Variants in COX18 observed in about 807,000 individuals in gnomAD.
COX18 encodes the protein cytochrome c oxidase assembly factor COX18.
COX18 carries 45 observed loss-of-function variants against 38.0 expected under a neutral mutation model. The ratio of observed to expected loss-of-function variants is 1.18; its 90% CI spans 0.93 to 1.52. The LOEUF is 1.52. COX18 is among the 40% of genes most tolerant of loss of function. The pLI, the probability that COX18 is intolerant of heterozygous loss-of-function variation, is 0.00. For missense variants in COX18, 462 were observed against 423.8 expected, an observed-to-expected ratio of 1.09 and a Z score of -0.79; for synonymous variants, 177 against 169.8, an observed-to-expected ratio of 1.04 and a Z score of -0.33.
rs1177677540 is a variant in COX18, at chr4:73,057,155, G to A, written c.*959C>T. 1 of 140,468 alleles carries A rather than the reference G, an allele frequency of 7.1e-6. No individual in the cohort carries two copies. The highest frequency in any genetic ancestry group is 1.5e-5 in the Non-Finnish European group (1 of 64,556). The allele number at this position is 140,468 out of a possible 1,614,324, so 8.7% of individuals were successfully genotyped here. On this transcript the variant is annotated 3_prime_UTR_variant, in exon 6 of 6. Transcript: ENST00000507544. ...ATTAAAAAAAAAAAATGCTGGGTGA[G>A]GTGGCTCATGCCTGTAATCCCAGCA...
chr4:73,068,714 T>C (rs1410882993), intron 1 of COX18: 1 of 153,404 alleles, frequency 6.5e-6, no homozygotes, highest in Non-Finnish European at 1.5e-5. Flanking sequence ...AATCAAGCAC[T>C]TTAACCCGTA....
intron 2 of COX18, 63 bp downstream of exon 2, chr4:73,067,954 ATGTGTGTGTGTG>A (rs10610509): frequency 6.5e-4 from 387 of 597,342 alleles, no homozygotes; most frequent in African/African-American, 3.5e-3. Flanking sequence ...CAATTTATGT[ATGTGTGTGTGTG>A]TGTGTGTGTG....
Position 73,054,314 on chromosome 4 carries a change from G to C in COX18, c.*3800C>G, listed in dbSNP as rs924775583. Reference sequence around the variant, plus strand: ...GGCTATGACAAACTGTTAGAAATAAGACCACAGACTTGCAATTTTCTGAAA... The same window carrying C: ...GGCTATGACAAACTGTTAGAAATAACACCACAGACTTGCAATTTTCTGAAA... On this transcript the variant is annotated 3_prime_UTR_variant, in exon 6 of 6. Coordinates refer to ENST00000507544, the MANE Select transcript of COX18 (RefSeq NM_001297732.2). 6.6e-6 allele frequency: 1 copy of C among 152,162 alleles called. No homozygotes were observed. Among genetic ancestry groups the C allele is most frequent in the Non-Finnish European group, 1.5e-5 (1 of 68,028 alleles). The allele number at this position is 152,162 out of a possible 1,614,324, so 9.4% of individuals were successfully genotyped here. A position where few individuals can be genotyped will look rare whatever the true frequency, so the allele number is the denominator to read the frequency against.
intron 2 of COX18, 145 bp downstream of exon 2, chr4:73,067,884 T>TATATAA (rs1289365401): frequency 3.6e-5 from 4 of 109,668 alleles, no homozygotes; most frequent in African/African-American, 1.8e-4. Context: ...TATATATATA[T>TATATAA]AAAAAAAGAA....
intron 4 of COX18, among the ~76,000 whole-genome samples, chr4:73,064,027 G>A (rs141217730): frequency 6.1e-4 from 93 of 152,218 alleles, no homozygotes; most frequent in African/African-American, 2.0e-3. Flanking sequence ...GCTCATGCCT[G>A]TAATCCCAGC....
chr4:73,064,315 C>T (rs1171391508), intron 4 of COX18, among the ~76,000 whole-genome samples: 1 of 152,038 alleles, frequency 6.6e-6, no homozygotes, highest in Non-Finnish European at 1.5e-5. Context: ...TATGTTTTTC[C>T]CATTTCATCT....
chr4:73,058,076 T>A lies in COX18; in HGVS notation c.*38A>T. ...AAGTCTAAATACATTTAGATGATAG[T>A]GACTCCTGCAACTGTTTCAAAATTA... On this transcript the variant is annotated 3_prime_UTR_variant, in exon 6 of 6. Coordinates refer to ENST00000507544, the MANE Select transcript of COX18 (RefSeq NM_001297732.2). 3 of 1,338,446 alleles carry A rather than the reference T, an allele frequency of 2.2e-6. No homozygotes were observed. Among genetic ancestry groups the A allele is most frequent in the Non-Finnish European group, 3.1e-6 (3 of 956,142 alleles). The allele number at this position is 1,338,446 out of a possible 1,614,324, so 82.9% of individuals were successfully genotyped here.
chr4:73,061,662 C>T (rs753373637), intron 5 of COX18, 151 bp downstream of exon 5: 3 of 557,380 alleles, frequency 5.4e-6, no homozygotes, highest in African/African-American at 2.0e-5. Flanking sequence ...GAGCCGAGAT[C>T]GCGCCACTGC....
Position 73,057,184 on chromosome 4 carries a change from T to A in COX18, c.*930A>T, listed in dbSNP as rs1308781071. The stretch of plus-strand genomic sequence containing the variant: ...GCTCATGCCTGTAATCCCAGCACTA[T>A]GGGAGGCCAAGGAGGGTGGATTAGT... On this transcript the variant is annotated 3_prime_UTR_variant, in exon 6 of 6. Transcript: ENST00000507544. 6.6e-6 allele frequency: 1 copy of A among 151,544 alleles called. No individual in the cohort carries two copies. Among genetic ancestry groups the A allele is most frequent in the Non-Finnish European group, 1.5e-5 (1 of 68,022 alleles). The allele number at this position is 151,544 out of a possible 1,614,324, so 9.4% of individuals were successfully genotyped here. A position where few individuals can be genotyped will look rare whatever the true frequency, so the allele number is the denominator to read the frequency against.
rs1250822468 is a variant in COX18, at chr4:73,069,346, C to A, written c.304G>T (p.Ala102Ser). The stretch of plus-strand genomic sequence containing the variant: ...GCCAGGATGTAGTGCTGGTAGGCTG[C>A]CAAAGGCAGCGTGACAGCACCCCGT... Reference protein sequence around the residue: ...ALRGAVTLPLAAYQHYILAKV... With the variant: ...ALRGAVTLPLSAYQHYILAKV... Residue 102 changes from alanine to serine, a missense_variant, in exon 1 of 6, where the codon GCA (alanine) becomes TCA (serine). Coordinates refer to ENST00000507544, the MANE Select transcript of COX18 (RefSeq NM_001297732.2). The A allele has an allele frequency of 6.5e-7, 1 of 1,549,854 alleles. No individual in the cohort carries two copies.
chr4:73,058,263 A>G lies in COX18; in HGVS notation c.856T>C (p.Ser286Pro), dbSNP rs767648083. ...PSSIVLYWLC[S>P]SFVGLSQNLL... ...TTCTGTGAAAGGCCCACGAAGCTGG[A>G]GCATAACCAGTAGAGAACAATTGAC... Residue 286 changes from serine (S) to proline (P), a missense_variant, in exon 6 of 6, where the codon TCC (serine) becomes CCC (proline). By Grantham distance (74) the Ser-to-Pro change is moderately conservative. Transcript: ENST00000507544. 1.2e-6 allele frequency: 2 copies of G among 1,612,606 alleles called. No individual in the cohort carries two copies. Among genetic ancestry groups the G allele is most frequent in the Non-Finnish European group, 1.7e-6 (2 of 1,179,548 alleles).
At chr4:73,065,204 A>G (rs374988691) in intron 3 of COX18, 46 bp downstream of exon 3, 89 of 1,394,952 alleles carry the variant, frequency 6.4e-5, no homozygotes, top group Non-Finnish European at 8.4e-5. Flanking sequence ...TTTAGTACAA[A>G]GACAATGTTA....
In COX18 at chr4:73,060,909, A is replaced by G. The variant is rs1250613909; in HGVS notation, c.831+904T>C. Among the ~76,000 whole-genome samples, 3 of 151,784 alleles carry G rather than the reference A, an allele frequency of 2.0e-5. No homozygotes were observed. In the South Asian group the frequency reaches 6.2e-4, roughly 32 times the overall value. On this transcript the variant is annotated intron_variant, in intron 5 of 5. Coordinates refer to ENST00000507544, the MANE Select transcript of COX18 (RefSeq NM_001297732.2). Reference sequence around the variant, plus strand: ...AAAAAAAAAAAAAATACTGTGAGGTAGTTTTATATATGCTACACCCTAACT... The same window carrying G: ...AAAAAAAAAAAAAATACTGTGAGGTGGTTTTATATATGCTACACCCTAACT...
At chr4:73,068,782 A>G (rs928750165) in intron 1 of COX18, 3 of 153,280 alleles carry the variant, frequency 2.0e-5, no homozygotes, top group Non-Finnish European at 4.4e-5. Context: ...TGCTAGCCTG[A>G]TTCCTCAGAA....
chr4:73,065,149 A>T (rs972987807), intron 3 of COX18, 101 bp downstream of exon 3: 2 of 1,150,480 alleles, frequency 1.7e-6, no homozygotes, highest in African/African-American at 3.1e-5. Flanking sequence ...GATAGTAAAC[A>T]TATCGTAATT....
At chr4:73,067,479 T>C (rs973921233) in intron 2 of COX18, among the ~76,000 whole-genome samples, 15 of 152,304 alleles carry the variant, frequency 9.8e-5, no homozygotes, top group Middle Eastern at 3.4e-3. Context: ...TTCTTATCTT[T>C]ATCTATTTAT....
chr4:73,068,170 C>A, intron 1 of COX18, 41 bp from the exon 2 acceptor site: 1 of 1,267,432 alleles, frequency 7.9e-7, no homozygotes, highest in Non-Finnish European at 1.1e-6. Flanking sequence ...CATAAAGGAT[C>A]TTTATTCATA....
intron 2 of COX18, 32 bp downstream of exon 2, chr4:73,067,975 TGTGTGTGTGTGTGTATGTGTGC>T: frequency 1.0e-6 from 1 of 974,564 alleles, no homozygotes. Flanking sequence ...TGTGTGTGTG[TGTGTGTGTGTGTGTATGTGTGC>T]GTATGGTCTT....
intron 4 of COX18, among the ~76,000 whole-genome samples, chr4:73,063,523 G>A (rs528018346): frequency 1.3e-5 from 2 of 152,224 alleles, no homozygotes; most frequent in Admixed American, 6.5e-5. Context: ...CCAAGTAGCT[G>A]GAACTAGAGG....
Sources: gnomAD v4.1 joint callset for allele counts (sites outside exome capture counted in the v4.1 genomes callset) on GRCh38, gnomAD v4.1.1 for gene constraint, MANE v1.5 for transcripts, NCBI Gene and HGNC (gene_info 2026-07-23, HGNC 2026-07-21) for gene names.